AGPAT3: variants seen among roughly 807,000 people sequenced by gnomAD.
AGPAT3 encodes 1-acyl-sn-glycerol-3-phosphate acyltransferase gamma.
AGPAT3 carries 5 observed loss-of-function variants against 47.3 expected under a neutral mutation model. That is an observed-to-expected ratio of 0.11 (90% confidence interval 0.06 to 0.22). AGPAT3 has a LOEUF of 0.22. AGPAT3 is among the 10% of genes least tolerant of loss of function. AGPAT3 has a pLI of 1.00. For missense variants in AGPAT3, 315 were observed against 493.0 expected, an observed-to-expected ratio of 0.64 and a Z score of 3.42; for synonymous variants, 212 against 208.3, an observed-to-expected ratio of 1.02 and a Z score of -0.15.
intron 2 of AGPAT3, among the ~76,000 whole-genome samples, chr21:43,945,701 G>A (rs373551279): frequency 1.3e-5 from 2 of 152,126 alleles, no homozygotes; most frequent in Non-Finnish European, 2.9e-5. Context: ...AAACCTACTC[G>A]GTTTATTCCA....
rs996485879 is a variant in AGPAT3, at chr21:43,977,896, A to G, written c.768-150A>G. On this transcript the variant is annotated intron_variant, in intron 7 of 9. Transcript: ENST00000291572. ...GCGAGACTCCATCTCAAAAAAAAAA[A>G]AAAGAAAAGAAAAGAAATTGAGAGT... 4.9e-5 allele frequency: 30 copies of G among 613,440 alleles called. No homozygotes were observed. The Admixed American group carries it at 8.5e-4, about 17-fold the overall frequency. 38.0% of individuals were successfully genotyped at this position (613,440 alleles called of 1,614,324 possible).
At chr21:43,976,058 T>C (rs1273844040) in intron 7 of AGPAT3, among the ~76,000 whole-genome samples, 1 of 151,682 alleles carries the variant, frequency 6.6e-6, no homozygotes, top group Non-Finnish European at 1.5e-5. Flanking sequence ...TAAAATTTTA[T>C]AGAAAATGAT....
At chr21:43,869,870 A>C (rs2123496558) in intron 1 of AGPAT3, among the ~76,000 whole-genome samples, 1 of 152,254 alleles carries the variant, frequency 6.6e-6, no homozygotes, top group African/African-American at 2.4e-5. Context: ...AGGGACTTAA[A>C]ATTTTATGCA....
chr21:43,940,862 G>A (rs891648567), intron 2 of AGPAT3, among the ~76,000 whole-genome samples: 4 of 152,220 alleles, frequency 2.6e-5, no homozygotes, highest in East Asian at 1.9e-4. Context: ...TGCAGAAGCC[G>A]AGAATCAGCA....
At chr21:43,890,567 C>T (rs2086080919) in intron 1 of AGPAT3, among the ~76,000 whole-genome samples, 1 of 151,614 alleles carries the variant, frequency 6.6e-6, no homozygotes, top group Non-Finnish European at 1.5e-5. Context: ...TGTGAGCCAC[C>T]ATGCCTGGCT....
chr21:43,901,162 T>A (rs1040978654), intron 1 of AGPAT3, among the ~76,000 whole-genome samples: 3 of 151,968 alleles, frequency 2.0e-5, no homozygotes, highest in Non-Finnish European at 2.9e-5. Flanking sequence ...CTTTTGTTTG[T>A]TTTAAGAAAA....
At chr21:43,865,671 G>A (rs1313484696) in intron 1 of AGPAT3, among the ~76,000 whole-genome samples, 5 of 151,230 alleles carry the variant, frequency 3.3e-5, no homozygotes, top group African/African-American at 9.7e-5. Flanking sequence ...GAGGCCCGGG[G>A]GTTCGGGGCG....
At chr21:43,977,918 G>A (rs73373137) in intron 7 of AGPAT3, 128 bp from the exon 8 acceptor site, 321 of 623,832 alleles carry the variant, frequency 5.1e-4, no homozygotes, top group African/African-American at 4.9e-3. Context: ...AAGAAATTGA[G>A]AGTGAGATGT....
intron 2 of AGPAT3, among the ~76,000 whole-genome samples, chr21:43,948,914 G>A (rs375546721): frequency 5.3e-5 from 8 of 152,290 alleles, no homozygotes; most frequent in African/African-American, 1.9e-4. Flanking sequence ...GTGCTGAGGT[G>A]CCCCAGACAG....
intron 2 of AGPAT3, among the ~76,000 whole-genome samples, chr21:43,921,481 C>T (rs2086890234): frequency 6.6e-6 from 1 of 152,130 alleles, no homozygotes; most frequent in African/African-American, 2.4e-5. Context: ...TGGTCAGGAG[C>T]ACAGGTCACA....
intron 2 of AGPAT3, among the ~76,000 whole-genome samples, chr21:43,926,048 T>C (rs974621110): frequency 1.3e-5 from 2 of 152,246 alleles, no homozygotes; most frequent in African/African-American, 4.8e-5. Context: ...ATTTTGGATA[T>C]GTTGGATTAG....
At chr21:43,918,663 C>T (rs144588556) in intron 2 of AGPAT3, among the ~76,000 whole-genome samples, 22 of 151,610 alleles carry the variant, frequency 1.5e-4, no homozygotes, top group Middle Eastern at 3.4e-3. Flanking sequence ...CTTGGCTCAC[C>T]GCAATCTCCG....
intron 1 of AGPAT3, among the ~76,000 whole-genome samples, chr21:43,889,359 T>C (rs1390077165): frequency 6.6e-6 from 1 of 152,066 alleles, no homozygotes. Context: ...CAGGAGGTTC[T>C]GGTTTTTGTT....
intron 2 of AGPAT3, among the ~76,000 whole-genome samples, chr21:43,947,418 C>T (rs1039052958): frequency 4.6e-5 from 7 of 152,224 alleles, no homozygotes; most frequent in Admixed American, 3.3e-4. Flanking sequence ...GCTGCCCAAG[C>T]GGAGCTTCTG....
At chr21:43,867,473 C>T (rs1049446126) in intron 1 of AGPAT3, 2 of 152,370 alleles carry the variant, frequency 1.3e-5, no homozygotes, top group African/African-American at 4.8e-5. Flanking sequence ...ATCACATTTA[C>T]CCTGTTCATC....
intron 2 of AGPAT3, among the ~76,000 whole-genome samples, chr21:43,940,933 C>G (rs1428907459): frequency 6.6e-6 from 1 of 152,194 alleles, no homozygotes; most frequent in Non-Finnish European, 1.5e-5. Flanking sequence ...CGCTGTGTCT[C>G]CGGGCTGGGA....
At chr21:43,966,401 C>CT (rs906544113) in intron 3 of AGPAT3, 6 of 152,448 alleles carry the variant, frequency 3.9e-5, no homozygotes, top group African/African-American at 1.4e-4. Context: ...GGCAGGCCTG[C>CT]TGTGGGGGCT....
intron 6 of AGPAT3, 44 bp from the exon 7 acceptor site, chr21:43,971,344 A>G: frequency 6.3e-7 from 1 of 1,578,632 alleles, no homozygotes; most frequent in African/African-American, 1.3e-5. Flanking sequence ...GTGACCATGC[A>G]GCCGCCTGGG....
chr21:43,899,648 T>C (rs1259588859), intron 1 of AGPAT3, among the ~76,000 whole-genome samples: 1 of 152,208 alleles, frequency 6.6e-6, no homozygotes, highest in Non-Finnish European at 1.5e-5. Flanking sequence ...TTCTGGCTCT[T>C]GCCTTCCTGC....
Sources: allele counts gnomAD v4.1 joint callset (sites outside exome capture counted in the v4.1 genomes callset), GRCh38; gene constraint gnomAD v4.1.1; transcripts MANE v1.5; gene names NCBI Gene and HGNC (gene_info 2026-07-23, HGNC 2026-07-21).